The following CAGE1 variants were observed in gnomAD, a reference collection of about 807,000 sequenced individuals.
CAGE1 encodes the protein cancer-associated gene 1 protein.
In CAGE1, 66 loss-of-function variants were observed where a neutral mutation model predicts 94.9. The ratio of observed to expected loss-of-function variants is 0.70; its 90% CI spans 0.57 to 0.85. The LOEUF is 0.85. Among genes scored for constraint, CAGE1 ranks in the 40% least tolerant of loss-of-function variants. The probability of loss-of-function intolerance (pLI) is 0.00; values close to 1 mark genes in which losing one functional copy is unlikely to be tolerated. For missense variants in CAGE1, 865 were observed against 950.4 expected (o/e 0.91, Z 1.18); for synonymous variants, 319 against 321.0 (o/e 0.99, Z 0.07).
chr6:7,363,095 C>G (rs896970451), intron 9 of CAGE1, among the ~76,000 whole-genome samples: 3 of 152,090 alleles, frequency 2.0e-5, no homozygotes, highest in Non-Finnish European at 4.4e-5. Flanking sequence ...ATGGAAAAAC[C>G]CTGTCTCTAC....
At chr6:7,334,770 C>CGA (rs1758894197) in intron 11 of CAGE1, among the ~76,000 whole-genome samples, 1 of 129,112 alleles carries the variant, frequency 7.7e-6, no homozygotes, top group Non-Finnish European at 1.7e-5. Flanking sequence ...AAGAAAAAAA[C>CGA]CAAAAAACCC....
intron 6 of CAGE1, 94 bp downstream of exon 6, chr6:7,369,825 T>C (rs9406025): frequency 0.11 from 136,708 of 1,239,058 alleles, 9,369 homozygotes; most frequent in East Asian, 0.33. Flanking sequence ...ATTTTCTTCT[T>C]CCACAACTTA....
intron 11 of CAGE1, among the ~76,000 whole-genome samples, chr6:7,345,693 T>G (rs2003916): frequency 1.3e-5 from 2 of 151,798 alleles, no homozygotes; most frequent in African/African-American, 4.8e-5. Flanking sequence ...TTTGGGAGGC[T>G]GAGGCGGGCA....
intron 7 of CAGE1, among the ~76,000 whole-genome samples, chr6:7,366,223 G>A (rs550180128): frequency 8.4e-4 from 124 of 147,056 alleles, no homozygotes; most frequent in Non-Finnish European, 1.6e-3. Flanking sequence ...TCCAGCCTGG[G>A]CGACAGAGCA....
chr6:7,377,071 T>C (rs1760770978), intron 4 of CAGE1, among the ~76,000 whole-genome samples: 1 of 152,212 alleles, frequency 6.6e-6, no homozygotes, highest in African/African-American at 2.4e-5. Context: ...GATCTTATTA[T>C]AGTTGCAAGT....
chr6:7,349,096 AG>A (rs1759674998), intron 11 of CAGE1, among the ~76,000 whole-genome samples: 2 of 152,226 alleles, frequency 1.3e-5, no homozygotes, highest in South Asian at 4.1e-4. Context: ...ATCATCGCCT[AG>A]GTACATTGTC....
At chr6:7,378,032 C>A (rs1031152944) in intron 4 of CAGE1, among the ~76,000 whole-genome samples, 1 of 152,168 alleles carries the variant, frequency 6.6e-6, no homozygotes, top group African/African-American at 2.4e-5. Context: ...TGAATTAGTG[C>A]CTCTGCACTC....
intron 11 of CAGE1, among the ~76,000 whole-genome samples, chr6:7,334,789 A>C (rs545883732): frequency 4.2e-4 from 64 of 152,122 alleles, no homozygotes; most frequent in Non-Finnish European, 7.5e-4. Context: ...CCTGAGCTAG[A>C]AACAGCTTAA....
At chr6:7,352,009 CAT>C (rs1554137830) in intron 11 of CAGE1, among the ~76,000 whole-genome samples, 40 of 152,170 alleles carry the variant, frequency 2.6e-4, no homozygotes, top group Non-Finnish European at 4.4e-4. Flanking sequence ...TTCTCTTCAA[CAT>C]AGTACTGGAA....
intron 11 of CAGE1, chr6:7,342,196 A>ACAT: frequency 1.1e-6 from 1 of 942,408 alleles, no homozygotes; most frequent in South Asian, 1.3e-5. Context: ...CCCATATCTG[A>ACAT]CATCACCCCT....
chr6:7,360,089 A>G (rs1760117292), intron 9 of CAGE1, among the ~76,000 whole-genome samples: 1 of 152,170 alleles, frequency 6.6e-6, no homozygotes, highest in African/African-American at 2.4e-5. Context: ...GTAGCTTTGA[A>G]TATTCTTTAG....
rs1316791036 is a variant in CAGE1, at chr6:7,376,433, T to TAAAA, written c.687+2180_687+2183dup. ...ATAAATAAATAAATAAATAAATAAATAAAATAAAAGTTAGTTTGGCCTCCA... is the reference window on the plus strand; with the variant it reads ...ATAAATAAATAAATAAATAAATAAATAAAAAAAATAAAAGTTAGTTTGGCCTCCA... On this transcript the variant is annotated intron_variant, in intron 4 of 13. Coordinates refer to ENST00000502583, the MANE Select transcript of CAGE1 (RefSeq NM_001170692.2). Among the ~76,000 whole-genome samples, 525 of 144,614 alleles carry TAAAA rather than the reference T, an allele frequency of 3.6e-3. 4 individuals are homozygous for TAAAA. The highest frequency in any genetic ancestry group is 6.8e-3 in the South Asian group (31 of 4,578). The allele number at this position is 144,614 out of a possible 152,430, so 94.9% of individuals were successfully genotyped here.
rs1226849199 is a variant in CAGE1, at chr6:7,365,854, A to T, written c.2035T>A (p.Phe679Ile). The change falls in exon 8 of 14, where the codon TTT (phenylalanine) becomes ATT (isoleucine). Residue 679 changes from phenylalanine to isoleucine, a missense_variant. Physicochemically the swap from Phe to Ile is conservative, Grantham distance 21. Transcript: ENST00000502583. Reference protein sequence around the residue: ...LLKHKDRITTFRELIAKEKAF... With the variant: ...LLKHKDRITTIRELIAKEKAF... ...TTTTCCTTAGCAATTAACTCTCTAA[A>T]GGTTGTGATTCTATCTTTATGTTTC... is the stretch of plus-strand genomic sequence containing the variant. 1 of 1,538,606 alleles carries T rather than the reference A, an allele frequency of 6.5e-7. No individual in the cohort carries two copies. Among genetic ancestry groups the T allele is most frequent in the Non-Finnish European group, 8.8e-7 (1 of 1,138,970 alleles).
chr6:7,334,573 C>A (rs1382891059), intron 11 of CAGE1, among the ~76,000 whole-genome samples: 1 of 151,668 alleles, frequency 6.6e-6, no homozygotes, highest in Non-Finnish European at 1.5e-5. Flanking sequence ...TACAAAAATA[C>A]AAAAATTAGC....
At chr6:7,342,953 G>A (rs1759242453) in intron 11 of CAGE1, among the ~76,000 whole-genome samples, 1 of 152,062 alleles carries the variant, frequency 6.6e-6, no homozygotes, top group African/African-American at 2.4e-5. Flanking sequence ...AAGATCAGTT[G>A]GCTGTATTTA....
At chr6:7,350,947 A>C (rs1017379433) in intron 11 of CAGE1, among the ~76,000 whole-genome samples, 2 of 152,278 alleles carry the variant, frequency 1.3e-5, no homozygotes, top group East Asian at 3.9e-4. Flanking sequence ...CAAAAAATAC[A>C]ATACAAAGAT....
chr6:7,334,218 C>T (rs1581655706), intron 11 of CAGE1, 128 bp from the exon 12 acceptor site: 1 of 546,738 alleles, frequency 1.8e-6, no homozygotes, highest in South Asian at 2.5e-5. Context: ...TATCCAACCA[C>T]CTAACCATAT....
At chr6:7,384,907 A>G (rs1761064471) in intron 3 of CAGE1, among the ~76,000 whole-genome samples, 1 of 152,014 alleles carries the variant, frequency 6.6e-6, no homozygotes, top group African/African-American at 2.4e-5. Context: ...CCTATTGCCC[A>G]ATCTGATTTC....
At chr6:7,338,725 G>T in intron 11 of CAGE1, 1 of 656,284 alleles carries the variant, frequency 1.5e-6, no homozygotes, top group Non-Finnish European at 2.7e-6. Flanking sequence ...TTTCCCCCAA[G>T]TCCCCAAAGT....
Sources: gnomAD v4.1 joint callset for allele counts (sites outside exome capture counted in the v4.1 genomes callset) on GRCh38, gnomAD v4.1.1 for gene constraint, MANE v1.5 for transcripts, NCBI Gene and HGNC (gene_info 2026-07-23, HGNC 2026-07-21) for gene names.